EYA2: variants seen among roughly 807,000 people sequenced by gnomAD.
EYA2 encodes protein phosphatase EYA2.
In EYA2, 31 loss-of-function variants were observed where a neutral mutation model predicts 69.2. The ratio of observed to expected loss-of-function variants is 0.45; its 90% CI spans 0.34 to 0.60. The LOEUF (loss-of-function observed/expected upper bound fraction) is 0.60. Ranked by LOEUF, EYA2 falls within the 20% of genes least tolerant of loss-of-function variation. The pLI is 0.02. For synonymous variants in EYA2, 257 were observed against 279.4 expected (o/e 0.92, Z 0.80); for missense variants, 622 against 701.2 (o/e 0.89, Z 1.28).
chr20:46,937,494 A>G lies in EYA2; in HGVS notation c.-11+42507A>G, dbSNP rs1985960594. 2.6e-5 allele frequency among the ~76,000 whole-genome samples: 4 copies of G among 152,144 alleles called. No homozygotes were observed. In the South Asian group the frequency reaches 8.3e-4, roughly 31 times the overall value. ...TAGTTACTATTATCTTATAGTACAG[A>G]TTTTTGTTTTAGGATTGGCGGCGAT... On this transcript the variant is annotated intron_variant, in intron 1 of 15. Coordinates refer to ENST00000327619, the MANE Select transcript of EYA2 (RefSeq NM_005244.5).
chr20:46,913,018 AG>A (rs1460170099), intron 1 of EYA2, among the ~76,000 whole-genome samples: 1 of 152,206 alleles, frequency 6.6e-6, no homozygotes, highest in Non-Finnish European at 1.5e-5. Context: ...AATTTTAAAT[AG>A]GGTGGCCACT....
intron 9 of EYA2, among the ~76,000 whole-genome samples, chr20:47,130,348 T>C (rs1226868304): frequency 1.5e-5 from 2 of 134,104 alleles, no homozygotes; most frequent in Non-Finnish European, 3.1e-5. Context: ...CACTGCAAGC[T>C]CCGCCTCCCA....
chr20:47,147,327 A>T (rs1234971435), intron 10 of EYA2, among the ~76,000 whole-genome samples: 2 of 152,138 alleles, frequency 1.3e-5, no homozygotes, highest in Non-Finnish European at 2.9e-5. Flanking sequence ...AAGTACTGGG[A>T]TTACAGGTGT....
intron 7 of EYA2, among the ~76,000 whole-genome samples, chr20:47,086,086 G>A (rs1311365455): frequency 1.3e-5 from 2 of 152,200 alleles, no homozygotes; most frequent in African/African-American, 4.8e-5. Context: ...TACATAAATT[G>A]TGCTATCCTG....
chr20:47,023,182 G>A (rs571005115), intron 5 of EYA2, among the ~76,000 whole-genome samples: 18 of 152,116 alleles, frequency 1.2e-4, no homozygotes, highest in Non-Finnish European at 2.1e-4. Context: ...TAATAATTTC[G>A]TGGGAACCCA....
chr20:47,035,796 C>A (rs1451751897), intron 5 of EYA2, among the ~76,000 whole-genome samples: 1 of 151,180 alleles, frequency 6.6e-6, no homozygotes, highest in Non-Finnish European at 1.5e-5. Context: ...CTCCTTGAGA[C>A]TAGAAGTTCG....
intron 1 of EYA2, among the ~76,000 whole-genome samples, chr20:46,989,790 G>A (rs1027530850): frequency 6.6e-6 from 1 of 152,170 alleles, no homozygotes; most frequent in East Asian, 1.9e-4. Flanking sequence ...AATCAACTGG[G>A]TGTATTCTCC....
intron 5 of EYA2, among the ~76,000 whole-genome samples, chr20:47,039,352 C>G (rs762446111): frequency 6.6e-6 from 1 of 152,188 alleles, no homozygotes; most frequent in Non-Finnish European, 1.5e-5. Flanking sequence ...TCAGTGTCTA[C>G]TAATAAAGTT....
At chr20:47,102,308 TG>T (rs144764785) in intron 9 of EYA2, among the ~76,000 whole-genome samples, 1,553 of 152,222 alleles carry the variant, frequency 0.01, 23 homozygotes, top group African/African-American at 0.035. Flanking sequence ...ACTCCTGGCA[TG>T]GGAAAGGAGG....
chr20:46,915,164 G>T (rs1456718550), intron 1 of EYA2, among the ~76,000 whole-genome samples: 2 of 152,230 alleles, frequency 1.3e-5, no homozygotes, highest in Non-Finnish European at 2.9e-5. Context: ...AGGCAGAACA[G>T]TGTGTACTCG....
chr20:47,151,728 C>T lies in EYA2; in HGVS notation c.978+8580C>T, dbSNP rs190524728. ...GCTCCCAGGACGCCTCATACTTATG[C>T]GGTACATTTTGTACTCTTTGTAACC... On this transcript the variant is annotated intron_variant, in intron 10 of 15. Transcript: ENST00000327619. Among the ~76,000 whole-genome samples, 115 of 152,076 alleles carry T rather than the reference C, an allele frequency of 7.6e-4. 1 individual carries two copies. Among genetic ancestry groups the T allele is most frequent in the African/African-American group, 2.5e-3 (102 of 41,558 alleles).
intron 5 of EYA2, among the ~76,000 whole-genome samples, chr20:47,047,738 C>G (rs1442813016): frequency 6.6e-6 from 1 of 151,672 alleles, no homozygotes; most frequent in African/African-American, 2.4e-5. Flanking sequence ...CCCACTGGTG[C>G]TGTAACAAAG....
At chr20:46,947,895 TC>T (rs1978558335) in intron 1 of EYA2, among the ~76,000 whole-genome samples, 1 of 151,976 alleles carries the variant, frequency 6.6e-6, no homozygotes, top group African/African-American at 2.4e-5. Context: ...GGTGGGAGGA[TC>T]TCTTAAAGCT....
intron 4 of EYA2, among the ~76,000 whole-genome samples, chr20:47,008,389 C>T (rs1982855267): frequency 6.6e-6 from 1 of 152,188 alleles, no homozygotes; most frequent in Non-Finnish European, 1.5e-5. Context: ...GGGGCTCCGA[C>T]GCCTGGCTGT....
intron 1 of EYA2, among the ~76,000 whole-genome samples, chr20:46,962,150 T>C (rs969067594): frequency 2.0e-5 from 3 of 152,178 alleles, no homozygotes; most frequent in Admixed American, 6.5e-5. Context: ...CACCTCAGCC[T>C]CCTGAGTAGC....
chr20:46,895,561 G>C (rs1448137994), intron 1 of EYA2, among the ~76,000 whole-genome samples: 2 of 152,236 alleles, frequency 1.3e-5, no homozygotes, highest in Non-Finnish European at 2.9e-5. Context: ...CTTTGAACCG[G>C]GGCAGGGAAT....
intron 5 of EYA2, among the ~76,000 whole-genome samples, chr20:47,022,266 A>G (rs899121317): frequency 2.2e-4 from 34 of 152,288 alleles, no homozygotes; most frequent in African/African-American, 5.8e-4. Context: ...TTGAATTTCT[A>G]TTGTTTTAAA....
intron 5 of EYA2, among the ~76,000 whole-genome samples, chr20:47,059,645 G>A (rs560197283): frequency 5.4e-4 from 83 of 152,326 alleles, no homozygotes; most frequent in African/African-American, 1.9e-3. Context: ...CACTGTACCT[G>A]GCCCATAATT....
At chr20:47,171,234 TC>T (rs1245656381) in intron 11 of EYA2, among the ~76,000 whole-genome samples, 1 of 152,230 alleles carries the variant, frequency 6.6e-6, no homozygotes, top group Non-Finnish European at 1.5e-5. Context: ...GAACCCTGTC[TC>T]ATGCTGAGCT....
Sources: gnomAD v4.1 joint callset for allele counts (sites outside exome capture counted in the v4.1 genomes callset) on GRCh38, gnomAD v4.1.1 for gene constraint, MANE v1.5 for transcripts, NCBI Gene and HGNC (gene_info 2026-07-23, HGNC 2026-07-21) for gene names.